The following TSHR variants were observed in gnomAD, a reference collection of about 807,000 sequenced individuals.
TSHR encodes thyroid stimulating hormone receptor.
Under a neutral mutation model 64.1 loss-of-function variants are expected in TSHR, and 51 were observed. The observed-to-expected ratio is 0.80, with a 90% CI of 0.64 to 1.01. The LOEUF (loss-of-function observed/expected upper bound fraction) is 1.01. TSHR is among the 50% of genes least tolerant of loss of function. The pLI is 0.00. For missense variants in TSHR, 877 were observed against 942.8 expected, an observed-to-expected ratio of 0.93 and a Z score of 0.91; for synonymous variants, 361 against 361.9, an observed-to-expected ratio of 1.00 and a Z score of 0.03.
rs367944856 is a variant in TSHR at position 80,986,607 on chromosome 14, CT to C, written c.170+30759del. On this transcript the variant is annotated intron_variant, in intron 1 of 9. Transcript: ENST00000298171. ...GTCCAGGCGATTCTCCTGTCTCAGCCTTCCAAGTAGCTGAGATTACAGGCGC... is the reference window on the plus strand; with the variant it reads ...GTCCAGGCGATTCTCCTGTCTCAGCCTCCAAGTAGCTGAGATTACAGGCGC... Among the ~76,000 whole-genome samples, 1,130 of 152,266 alleles carry C rather than the reference CT, an allele frequency of 7.4e-3. 12 individuals are homozygous for C. The highest frequency in any genetic ancestry group is 0.026 in the African/African-American group (1,074 of 41,542).
intron 1 of TSHR, among the ~76,000 whole-genome samples, chr14:80,967,550 G>A (rs1354054560): frequency 6.6e-6 from 1 of 152,062 alleles, no homozygotes; most frequent in African/African-American, 2.4e-5. Context: ...CTCCCAAAAT[G>A]CTGGGATTAC....
chr14:81,080,142 A>T (rs6574622), intron 3 of TSHR, among the ~76,000 whole-genome samples: 42,546 of 151,814 alleles, frequency 0.28, 9,784 homozygotes, highest in African/African-American at 0.64. Context: ...TTAGTAGAGA[A>T]GGGGTTTCAC....
chr14:80,991,422 A>T (rs1264234170), intron 1 of TSHR: 1 of 388,618 alleles, frequency 2.6e-6, no homozygotes. Context: ...TTAAAAGAGG[A>T]AATAGAGAGA....
At chr14:81,049,157 G>A (rs1299677724) in intron 1 of TSHR, among the ~76,000 whole-genome samples, 1 of 152,124 alleles carries the variant, frequency 6.6e-6, no homozygotes, top group Non-Finnish European at 1.5e-5. Context: ...AGTTATTAAA[G>A]TGAGATTTTA....
At chr14:81,012,154 T>C (rs1316860001) in intron 1 of TSHR, 2 of 150,672 alleles carry the variant, frequency 1.3e-5, no homozygotes, top group African/African-American at 4.9e-5. Flanking sequence ...TATGTTCTCA[T>C]TGTTCAATTC....
Position 81,049,220 on chromosome 14 carries a change from T to C in TSHR, c.171-12928T>C, listed in dbSNP as rs1885315476. ...CTCAGCTTCAGGCAGGCAGAAGCTTTGACTCTACCATAGCAACCCCAGCAC... is the reference window on the plus strand; with the variant it reads ...CTCAGCTTCAGGCAGGCAGAAGCTTCGACTCTACCATAGCAACCCCAGCAC... On this transcript the variant is annotated intron_variant, in intron 1 of 9. Coordinates refer to ENST00000298171, the MANE Select transcript of TSHR (RefSeq NM_000369.5). Among the ~76,000 whole-genome samples the C allele has an allele frequency of 1.3e-5, 2 of 152,212 alleles. 1 individual carries two copies. Among genetic ancestry groups the C allele is most frequent in the South Asian group, 4.1e-4 (2 of 4,830 alleles).
chr14:81,074,685 AAATGCC>A (rs1407313255), intron 3 of TSHR, among the ~76,000 whole-genome samples: 3 of 152,260 alleles, frequency 2.0e-5, no homozygotes, highest in African/African-American at 7.2e-5. Flanking sequence ...TACACATTTC[AAATGCC>A]AATGCATATT....
intron 1 of TSHR, among the ~76,000 whole-genome samples, chr14:80,972,180 T>C (rs1887619329): frequency 6.6e-6 from 1 of 152,264 alleles, no homozygotes; most frequent in African/African-American, 2.4e-5. Context: ...TTGTGAGTTA[T>C]TAATCCAAGT....
intron 5 of TSHR, among the ~76,000 whole-genome samples, chr14:81,091,359 T>C (rs899020891): frequency 6.6e-6 from 1 of 152,214 alleles, no homozygotes; most frequent in African/African-American, 2.4e-5. Context: ...CCAAGAACAG[T>C]TCCAGTGGAG....
chr14:81,000,238 T>G (rs1447512422), intron 1 of TSHR, among the ~76,000 whole-genome samples: 3 of 152,194 alleles, frequency 2.0e-5, no homozygotes, highest in African/African-American at 7.2e-5. Context: ...GGCCAAAATT[T>G]TTAACTCCTA....
intron 8 of TSHR, among the ~76,000 whole-genome samples, chr14:81,128,990 G>A (rs962886293): frequency 6.6e-6 from 1 of 152,086 alleles, no homozygotes; most frequent in Non-Finnish European, 1.5e-5. Flanking sequence ...CTGAAACAGA[G>A]GATACTCCCT....
At chr14:81,138,537 T>C (rs1360700825) in intron 8 of TSHR, among the ~76,000 whole-genome samples, 1 of 152,094 alleles carries the variant, frequency 6.6e-6, no homozygotes, top group Non-Finnish European at 1.5e-5. Flanking sequence ...AATGCTAGAT[T>C]ATATATTTTT....
chr14:81,064,227 G>A (rs1886443897), intron 2 of TSHR, among the ~76,000 whole-genome samples: 1 of 152,084 alleles, frequency 6.6e-6, no homozygotes, highest in South Asian at 2.1e-4. Context: ...AAAGTACAGG[G>A]GATGGCAAAT....
intron 1 of TSHR, chr14:80,995,288 C>A (rs112069648): frequency 6.6e-6 from 1 of 152,076 alleles, no homozygotes; most frequent in Non-Finnish European, 1.5e-5. Flanking sequence ...CCTCAAAGAC[C>A]TAAAGACAGA....
chr14:80,976,232 C>G lies in TSHR; in HGVS notation c.170+20382C>G, dbSNP rs573811231. On this transcript the variant is annotated intron_variant, in intron 1 of 9. Transcript: ENST00000298171. The stretch of plus-strand genomic sequence containing the variant: ...TTAAACGAAGCCCTCACTTCCACAA[C>G]AGCCACAGCCCACCCCTTGCAAGAT... 5.3e-5 allele frequency among the ~76,000 whole-genome samples: 8 copies of G among 152,306 alleles called. No homozygotes were observed. The East Asian group carries it at 1.5e-3, about 29-fold the overall frequency.
At chr14:81,107,879 T>A (rs552945876) in intron 7 of TSHR, among the ~76,000 whole-genome samples, 1 of 152,356 alleles carries the variant, frequency 6.6e-6, no homozygotes, top group Non-Finnish European at 1.5e-5. Flanking sequence ...TATTTTTATT[T>A]GCTAAATCTG....
At chr14:81,120,158 A>G (rs986149483) in intron 8 of TSHR, among the ~76,000 whole-genome samples, 3 of 151,128 alleles carry the variant, frequency 2.0e-5, no homozygotes, top group African/African-American at 7.3e-5. Context: ...GTGCACATGT[A>G]CCCTAAAACT....
At chr14:81,060,977 A>G (rs964929962) in intron 1 of TSHR, among the ~76,000 whole-genome samples, 3 of 152,158 alleles carry the variant, frequency 2.0e-5, no homozygotes, top group Non-Finnish European at 4.4e-5. Context: ...TGATGAGAAC[A>G]GTCTCCACCT....
At chr14:80,999,263 C>G (rs1566755774) in intron 1 of TSHR, among the ~76,000 whole-genome samples, 1 of 152,162 alleles carries the variant, frequency 6.6e-6, no homozygotes, top group Non-Finnish European at 1.5e-5. Flanking sequence ...TGGAGAAAAT[C>G]TACCACCATT....
Sources: allele counts gnomAD v4.1 joint callset (sites outside exome capture counted in the v4.1 genomes callset), GRCh38; gene constraint gnomAD v4.1.1; transcripts MANE v1.5; gene names NCBI Gene and HGNC (gene_info 2026-07-23, HGNC 2026-07-21).